Variants in ADGRE2 observed in about 807,000 individuals in gnomAD.
ADGRE2 encodes the protein adhesion G protein-coupled receptor E2, also known as CD97 antigen.
A neutral mutation model predicts 100.8 loss-of-function variants in ADGRE2; 83 were observed. The ratio of observed to expected loss-of-function variants is 0.82; its 90% confidence interval spans 0.69 to 0.99. The LOEUF (loss-of-function observed/expected upper bound fraction) is 0.99. Among genes scored for constraint, ADGRE2 ranks in the 50% least tolerant of loss-of-function variants. The pLI is 0.00. For synonymous variants in ADGRE2, 355 were observed against 413.0 expected, an observed-to-expected ratio of 0.86 and a Z score of 1.70; for missense variants, 814 against 1,035.7, an observed-to-expected ratio of 0.79 and a Z score of 2.94.
At chr19:14,738,749 G>T (rs771100818) in intron 20 of ADGRE2, among the ~76,000 whole-genome samples, 3 of 152,066 alleles carry the variant, frequency 2.0e-5, no homozygotes, top group Non-Finnish European at 4.4e-5. Context: ...AGGAAACTCA[G>T]TGTAATTTCT....
intron 10 of ADGRE2, 57 bp from the exon 11 acceptor site, chr19:14,764,667 ACT>A: frequency 2.0e-6 from 3 of 1,517,208 alleles, no homozygotes; most frequent in Non-Finnish European, 2.7e-6. Flanking sequence ...CCGCATGAAG[ACT>A]CCAACCGCTC....
At chr19:14,738,972 T>C (rs1012176773) in intron 20 of ADGRE2, among the ~76,000 whole-genome samples, 8 of 107,286 alleles carry the variant, frequency 7.5e-5, no homozygotes, top group Middle Eastern at 9.9e-3. Flanking sequence ...TTCTTTTCTT[T>C]TTTTTTTTTT....
At chr19:14,757,622 A>G (rs1393908466) in intron 11 of ADGRE2, among the ~76,000 whole-genome samples, 2 of 152,192 alleles carry the variant, frequency 1.3e-5, no homozygotes, top group Non-Finnish European at 2.9e-5. Flanking sequence ...AATCTCTTCA[A>G]CAAATAGTGC....
chr19:14,751,690 A>C lies in ADGRE2; in HGVS notation c.1789-19T>G. 1 of 1,597,034 alleles carries C rather than the reference A, an allele frequency of 6.3e-7. No individual in the cohort carries two copies. ...ACAGCACCTGGCGGAGAAGTAAAAGACGCCCAGAGCGGCGATCAGATTTGA... is the reference window on the plus strand; with the variant it reads ...ACAGCACCTGGCGGAGAAGTAAAAGCCGCCCAGAGCGGCGATCAGATTTGA... On this transcript the variant is annotated intron_variant, in intron 15 of 20. Coordinates refer to ENST00000315576, the MANE Select transcript of ADGRE2 (RefSeq NM_013447.4).
Position 14,743,485 on chromosome 19 carries a change from T to G in ADGRE2, c.2398A>C (p.Lys800Gln). The G allele has an allele frequency of 6.2e-7, 1 of 1,614,116 alleles. No individual in the cohort carries two copies. The highest frequency in any genetic ancestry group is 8.5e-7 in the Non-Finnish European group (1 of 1,179,978). The change falls in exon 20 of 21, where the codon AAA becomes CAA. Residue 800 changes from lysine to glutamine, a missense_variant. Around this residue, in one of 5 missense-constraint regions of ADGRE2, gnomAD observed 569 missense variants for 692.7 expected, o/e 0.82. Coordinates refer to ENST00000315576, the MANE Select transcript of ADGRE2 (RefSeq NM_013447.4). ...AGTGTGTGCATCTCAGACTCAGTTT[T>G]CAATTTCCTGATCCCTTTGGACCAT... is the stretch of plus-strand genomic sequence containing the variant. Reference protein sequence around the residue: ...GKWSKGIRKLKTESEMHTLSS... With the variant: ...GKWSKGIRKLQTESEMHTLSS...
chr19:14,766,408 C>T (rs761464347), intron 6 of ADGRE2, 27 bp from the exon 7 acceptor site: 16 of 1,595,906 alleles, frequency 1.0e-5, no homozygotes, highest in Non-Finnish European at 1.4e-5. Context: ...AGGGTCAAAC[C>T]CTGTCCCTGA....
In ADGRE2 at chr19:14,772,333, G is replaced by A. The variant is rs1338221786; in HGVS notation, c.355+9C>T. On this transcript the variant is annotated intron_variant, in intron 5 of 20. Transcript: ENST00000315576. ...ACAGTGGTGATGGAGGATGTGGGGT[G>A]GTTCTTACCTTGACACGTGTTCTCG... 4 of 1,614,054 alleles carry A rather than the reference G, an allele frequency of 2.5e-6. No individual in the cohort carries two copies. The Admixed American group carries it at 5.0e-5, about 20-fold the overall frequency.
chr19:14,758,044 C>T (rs1029982445), intron 11 of ADGRE2, among the ~76,000 whole-genome samples: 6 of 152,214 alleles, frequency 3.9e-5, no homozygotes, highest in Non-Finnish European at 8.8e-5. Flanking sequence ...CTCCTGACCT[C>T]AGGTGATCCG....
rs146379807 is a variant in ADGRE2 at position 14,774,415 on chromosome 19, T to G, written c.32-109A>C. ...GATGCTGACCCCTCTCAGGCTCAGA[T>G]CCTGCCCATCGTTCAAACAGAGTGA... On this transcript the variant is annotated intron_variant, in intron 2 of 20. Transcript: ENST00000315576. The G allele has an allele frequency of 2.6e-5, 40 of 1,527,318 alleles. No homozygotes were observed. The African/African-American group carries it at 5.0e-4, about 19-fold the overall frequency. 94.6% of individuals were successfully genotyped at this position (1,527,318 alleles called of 1,614,324 possible).
downstream of ADGRE2, among the ~76,000 whole-genome samples, chr19:14,729,199 A>G (rs907967239): frequency 6.6e-6 from 1 of 152,154 alleles, no homozygotes; most frequent in Admixed American, 6.5e-5. Context: ...CGAGAGATTC[A>G]TTGCATCCTA....
chr19:14,774,634 G>A (rs913994666), intron 2 of ADGRE2, among the ~76,000 whole-genome samples: 7 of 131,352 alleles, frequency 5.3e-5, no homozygotes, highest in South Asian at 4.7e-4. Context: ...TCACCCTCCC[G>A]AGTAGCTGGG....
intron 11 of ADGRE2, 112 bp downstream of exon 11, chr19:14,764,321 G>T: frequency 2.2e-6 from 2 of 915,490 alleles, no homozygotes; most frequent in Non-Finnish European, 3.4e-6. Flanking sequence ...TTAGTTTGTC[G>T]ATGAGAGTAA....
chr19:14,725,650 T>C, the ADGRE2 span, among the ~76,000 whole-genome samples: 3,066 of 152,340 alleles, frequency 0.02, 42 homozygotes, highest in Non-Finnish European at 0.031. Context: ...ACAGACCTCA[T>C]GCAAGTTGTA....
chr19:14,771,604 C>T (rs1348572802), intron 5 of ADGRE2, among the ~76,000 whole-genome samples: 1 of 147,260 alleles, frequency 6.8e-6, no homozygotes, highest in African/African-American at 2.5e-5. Flanking sequence ...TGAACAACTC[C>T]TAAAAGGCAT....
At chr19:14,755,583 G>A in intron 13 of ADGRE2, 71 bp downstream of exon 13, 1 of 1,385,868 alleles carries the variant, frequency 7.2e-7, no homozygotes, top group East Asian at 2.3e-5. Flanking sequence ...GAGCCCCAGG[G>A]CTGAGCTGAG....
At chr19:14,754,738 G>A (rs901871526) in intron 14 of ADGRE2, among the ~76,000 whole-genome samples, 9 of 152,172 alleles carry the variant, frequency 5.9e-5, no homozygotes, top group Non-Finnish European at 1.0e-4. Flanking sequence ...GCTTGGAGAA[G>A]GACCTCAAGT....
rs1355584416 is a variant in ADGRE2 at position 14,753,217 on chromosome 19, G to A, written c.1591-691C>T. On this transcript the variant is annotated intron_variant, in intron 14 of 20. Coordinates refer to ENST00000315576, the MANE Select transcript of ADGRE2 (RefSeq NM_013447.4). ...GCCCGTTAGGTTTTGAAGGGAAAGT[G>A]AGAGTTAAAGAAAGACAGAGAGTTG... Among the ~76,000 whole-genome samples, 4 of 152,134 alleles carry A rather than the reference G, an allele frequency of 2.6e-5. No homozygotes were observed. The East Asian group carries it at 7.7e-4, about 29-fold the overall frequency.
chr19:14,760,851 C>G (rs1361659197), intron 11 of ADGRE2, among the ~76,000 whole-genome samples: 1 of 152,218 alleles, frequency 6.6e-6, no homozygotes, highest in Non-Finnish European at 1.5e-5. Flanking sequence ...CATCTATTCT[C>G]TCTGAAGCCT....
At chr19:14,756,488 G>A (rs1376857352) in intron 11 of ADGRE2, 143 bp from the exon 12 acceptor site, 2 of 630,812 alleles carry the variant, frequency 3.2e-6, no homozygotes, top group Non-Finnish European at 2.8e-6. Context: ...GTGAGCAACT[G>A]TATATCTACA....
Sources: gnomAD v4.1 joint callset for allele counts (sites outside exome capture counted in the v4.1 genomes callset) on GRCh38, gnomAD v4.1.1 for gene constraint, gnomAD v4.1.1 regional missense constraint, MANE v1.5 for transcripts, NCBI Gene and HGNC (gene_info 2026-07-23, HGNC 2026-07-21) for gene names.